SUPT3H: variants seen among roughly 807,000 people sequenced by gnomAD.
SUPT3H encodes SPT3 homolog, SAGA and STAGA complex component, also known as transcription initiation protein SPT3 homolog.
A neutral mutation model predicts 44.3 loss-of-function variants in SUPT3H; 44 were observed. The ratio of observed to expected loss-of-function variants is 0.99; its 90% CI spans 0.78 to 1.28. SUPT3H has a LOEUF of 1.28. Ranked by LOEUF, SUPT3H falls within the 50% of genes most tolerant of loss-of-function variation. The probability of loss-of-function intolerance (pLI) is 0.00; values close to 1 mark genes in which losing one functional copy is unlikely to be tolerated. For synonymous variants in SUPT3H, 124 were observed against 125.6 expected, an observed-to-expected ratio of 0.99 and a Z score of 0.09; for missense variants, 380 against 387.1, an observed-to-expected ratio of 0.98 and a Z score of 0.15.
intron 2 of SUPT3H, among the ~76,000 whole-genome samples, chr6:45,108,422 G>A (rs548301342): frequency 8.5e-5 from 13 of 152,298 alleles, no homozygotes; most frequent in African/African-American, 2.9e-4. Flanking sequence ...ATGTGTGCAT[G>A]CATGTGCATG....
At chr6:44,970,687 G>A (rs2153482446) in intron 6 of SUPT3H, among the ~76,000 whole-genome samples, 1 of 151,994 alleles carries the variant, frequency 6.6e-6, no homozygotes, top group Middle Eastern at 3.4e-3. Context: ...ATTCTCAGAG[G>A]TTTACATAAT....
At chr6:45,185,111 T>C (rs12213735) in intron 2 of SUPT3H, among the ~76,000 whole-genome samples, 34,890 of 152,074 alleles carry the variant, frequency 0.23, 4,651 homozygotes, top group Non-Finnish European at 0.31. Context: ...TGATTTTACA[T>C]TCCCCTCTGT....
chr6:45,322,878 C>T, intron 2 of SUPT3H: 1 of 1,612,038 alleles, frequency 6.2e-7, no homozygotes, highest in Admixed American at 1.7e-5. Context: ...CTCTGTCTCA[C>T]CTGTCAAAGT....
At chr6:44,912,708 T>C (rs1243700583) in intron 10 of SUPT3H, among the ~76,000 whole-genome samples, 1 of 152,198 alleles carries the variant, frequency 6.6e-6, no homozygotes, top group Non-Finnish European at 1.5e-5. Context: ...GAACCAATGA[T>C]GTGAAGTTTA....
intron 2 of SUPT3H, among the ~76,000 whole-genome samples, chr6:45,147,725 T>C (rs1806307262): frequency 6.6e-6 from 1 of 151,816 alleles, no homozygotes. Flanking sequence ...CCCTGTCACT[T>C]TGGCAGTGGT....
At chr6:45,365,025 TA>T (rs1384768449) in intron 2 of SUPT3H, among the ~76,000 whole-genome samples, 175 bp downstream of exon 2, 1 of 152,220 alleles carries the variant, frequency 6.6e-6, no homozygotes, top group African/African-American at 2.4e-5. Flanking sequence ...GTAGCATTTT[TA>T]ACCAATTTTG....
chr6:45,367,274 A>T (rs912585068), intron 1 of SUPT3H, among the ~76,000 whole-genome samples: 1 of 152,154 alleles, frequency 6.6e-6, no homozygotes, highest in South Asian at 2.1e-4. Context: ...AGGAAAACAA[A>T]AACGTTCCAC....
intron 2 of SUPT3H, among the ~76,000 whole-genome samples, chr6:45,243,246 A>C (rs1445247442): frequency 6.6e-6 from 1 of 150,686 alleles, no homozygotes; most frequent in Non-Finnish European, 1.5e-5. Context: ...ATACAAGCTC[A>C]AGAATTTAAA....
At chr6:45,169,233 T>C (rs1198720330) in intron 2 of SUPT3H, among the ~76,000 whole-genome samples, 1 of 152,202 alleles carries the variant, frequency 6.6e-6, no homozygotes, top group Non-Finnish European at 1.5e-5. Flanking sequence ...ATAAACTCCA[T>C]GGCTGATTTT....
intron 10 of SUPT3H, among the ~76,000 whole-genome samples, chr6:44,903,062 C>A (rs951791738): frequency 6.6e-6 from 1 of 151,886 alleles, no homozygotes; most frequent in African/African-American, 2.4e-5. Flanking sequence ...GCACTAAATG[C>A]CCACAAGAGA....
intron 10 of SUPT3H, among the ~76,000 whole-genome samples, chr6:44,879,047 A>G (rs1413186842): frequency 6.6e-6 from 1 of 152,124 alleles, no homozygotes; most frequent in Admixed American, 6.6e-5. Context: ...TTAATACCCC[A>G]GTGACACCTG....
intron 3 of SUPT3H, among the ~76,000 whole-genome samples, chr6:45,032,571 G>A (rs890851244): frequency 3.9e-5 from 6 of 152,138 alleles, no homozygotes; most frequent in African/African-American, 1.4e-4. Context: ...CCAAAATCAG[G>A]ATATTCCTGG....
At chr6:45,367,509 C>T (rs1795343979) in intron 1 of SUPT3H, among the ~76,000 whole-genome samples, 1 of 151,868 alleles carries the variant, frequency 6.6e-6, no homozygotes, top group South Asian at 2.1e-4. Context: ...AAACAAAGGA[C>T]TTCCCTAAAT....
intron 3 of SUPT3H, among the ~76,000 whole-genome samples, chr6:45,088,755 C>T (rs897675040): frequency 6.6e-6 from 1 of 151,900 alleles, no homozygotes; most frequent in Non-Finnish European, 1.5e-5. Flanking sequence ...TATAAATGTA[C>T]TAACAACTCA....
chr6:45,198,726 T>C (rs1040428254), intron 2 of SUPT3H, among the ~76,000 whole-genome samples: 27 of 14,100 alleles, frequency 1.9e-3, no homozygotes, highest in Non-Finnish European at 3.9e-3. Context: ...ACTAAGCTGC[T>C]ATATCTTTCC....
At chr6:45,374,550 A>G (rs560472484) in intron 1 of SUPT3H, among the ~76,000 whole-genome samples, 2 of 152,360 alleles carry the variant, frequency 1.3e-5, no homozygotes, top group South Asian at 4.1e-4. Flanking sequence ...TAATATAATA[A>G]TGCATATGGC....
At chr6:44,884,555 C>T (rs1778812306) in intron 10 of SUPT3H, among the ~76,000 whole-genome samples, 1 of 152,136 alleles carries the variant, frequency 6.6e-6, no homozygotes, top group South Asian at 2.1e-4. Context: ...TACTGCAGCA[C>T]TACTCACAAT....
intron 6 of SUPT3H, among the ~76,000 whole-genome samples, chr6:44,999,229 G>T (rs756867043): frequency 3.3e-4 from 50 of 151,994 alleles, no homozygotes; most frequent in Admixed American, 1.8e-3. Flanking sequence ...GAGAGACAGA[G>T]AAAGATTTTG....
chr6:45,065,511 G>C (rs906243346), intron 3 of SUPT3H, among the ~76,000 whole-genome samples: 8 of 151,494 alleles, frequency 5.3e-5, no homozygotes, highest in African/African-American at 1.5e-4. Flanking sequence ...AAAAATCAAT[G>C]AATCCAGGAG....
Sources: allele counts gnomAD v4.1 joint callset (sites outside exome capture counted in the v4.1 genomes callset), GRCh38; gene constraint gnomAD v4.1.1; transcripts MANE v1.5; gene names NCBI Gene and HGNC (gene_info 2026-07-23, HGNC 2026-07-21).